Variants in ZRANB2 observed in about 807,000 individuals in gnomAD.
The protein encoded by ZRANB2 is zinc finger RANBP2-type containing 2, also known as zinc finger Ran-binding domain-containing protein 2.
A neutral mutation model predicts 53.4 loss-of-function variants in ZRANB2; 19 were observed. The ratio of observed to expected loss-of-function variants is 0.36; its 90% CI spans 0.25 to 0.52. The LOEUF is 0.52. Among genes scored for constraint, ZRANB2 ranks in the 20% least tolerant of loss-of-function variants. The probability of loss-of-function intolerance (pLI) is 0.93; values close to 1 mark genes in which losing one functional copy is unlikely to be tolerated. For synonymous variants in ZRANB2, 145 were observed against 134.8 expected, an observed-to-expected ratio of 1.08 and a Z score of -0.52; for missense variants, 309 against 401.1, an observed-to-expected ratio of 0.77 and a Z score of 1.96.
At chr1:71,080,839 C>G (rs1661829693) in intron 1 of ZRANB2, 101 bp downstream of exon 1, 1 of 1,418,836 alleles carries the variant, frequency 7.0e-7, no homozygotes, top group African/African-American at 1.4e-5. Flanking sequence ...CTCAACCCGT[C>G]TTAAGGCACA....
intron 8 of ZRANB2, among the ~76,000 whole-genome samples, chr1:71,068,175 T>A (rs1323739993): frequency 1.3e-5 from 2 of 152,160 alleles, no homozygotes; most frequent in African/African-American, 2.4e-5. Context: ...TTGTTATCTA[T>A]TTCTTATTGG....
Position 71,072,108 on chromosome 1 carries a change from G to T in ZRANB2, c.513+13C>A, listed in dbSNP as rs541943177. 28 of 1,601,752 alleles carry T rather than the reference G, an allele frequency of 1.7e-5. No individual in the cohort carries two copies. In the South Asian group the frequency reaches 2.9e-4, roughly 17 times the overall value. ...ATAAGACAAAAGGGAAATAGGACAAGAAAATTGTTCACCTCATCTAACTTA... is the reference window on the plus strand; with the variant it reads ...ATAAGACAAAAGGGAAATAGGACAATAAAATTGTTCACCTCATCTAACTTA... On this transcript the variant is annotated intron_variant, in intron 6 of 9. Coordinates refer to ENST00000370920, the MANE Select transcript of ZRANB2 (RefSeq NM_203350.3).
chr1:71,079,288 GAC>G (rs1272819140), intron 1 of ZRANB2, among the ~76,000 whole-genome samples: 1 of 152,088 alleles, frequency 6.6e-6, no homozygotes, highest in Non-Finnish European at 1.5e-5. Context: ...TGAAAAAAAT[GAC>G]ACAACCACCA....
intron 9 of ZRANB2, 140 bp downstream of exon 9, chr1:71,066,636 G>T: frequency 2.6e-6 from 2 of 784,064 alleles, no homozygotes; most frequent in Non-Finnish European, 2.0e-6. Flanking sequence ...GCAAAGTAAT[G>T]TTTTTTTGAA....
intron 1 of ZRANB2, among the ~76,000 whole-genome samples, chr1:71,080,512 G>C (rs1255050754): frequency 6.6e-6 from 1 of 152,146 alleles, no homozygotes; most frequent in Non-Finnish European, 1.5e-5. Flanking sequence ...AACTATAAGA[G>C]GCAAAAGGAC....
At chr1:71,075,396 G>A (rs1275960720) in intron 4 of ZRANB2, among the ~76,000 whole-genome samples, 1 of 152,138 alleles carries the variant, frequency 6.6e-6, no homozygotes, top group East Asian at 1.9e-4. Context: ...AGAGGGTCAG[G>A]TCCCAGGGGT....
At position 71,064,374 on chromosome 1, in the gene ZRANB2, C is replaced by T. The variant is rs115519906; in HGVS notation, c.*700G>A. The T allele has an allele frequency of 4.0e-3, 607 of 152,328 alleles. 8 individuals carry two copies. Among genetic ancestry groups the T allele is most frequent in the Non-Finnish European group, 4.3e-3 (290 of 67,878 alleles). 9.4% of individuals were successfully genotyped at this position (152,328 alleles called of 1,614,324 possible). ...TTTTGAGATGTCTTTATCAAGCAAC[C>T]GTATCAGCAGAGAAAAGATAAACTC... On this transcript the variant is annotated 3_prime_UTR_variant, in exon 10 of 10. Transcript: ENST00000370920.
intron 6 of ZRANB2, among the ~76,000 whole-genome samples, chr1:71,071,357 CAA>C (rs1050022974): frequency 6.6e-6 from 1 of 152,176 alleles, no homozygotes; most frequent in African/African-American, 2.4e-5. Context: ...CTGGTCTCCT[CAA>C]ATCTGAAGAT....
intron 4 of ZRANB2, 39 bp downstream of exon 4, chr1:71,076,756 T>TA (rs753847774): frequency 4.6e-5 from 68 of 1,474,304 alleles, no homozygotes; most frequent in South Asian, 8.2e-5. Context: ...TTTAGTGCTT[T>TA]AAAAAAAATC....
In ZRANB2 at chr1:71,075,845, G is replaced by C. The variant is rs72671088; in HGVS notation, c.301+950C>G. Among the ~76,000 whole-genome samples the C allele has an allele frequency of 6.9e-3, 1,042 of 151,740 alleles. 16 individuals are homozygous for C. The highest frequency in any genetic ancestry group is 0.024 in the African/African-American group (1,001 of 41,344). On this transcript the variant is annotated intron_variant, in intron 4 of 9. Transcript: ENST00000370920. Reference sequence around the variant, plus strand: ...GAAAGTGGCGGTTGGGCTGGGGAAGGGGGGATCAAGGACATTATGTTATAA... The same window carrying C: ...GAAAGTGGCGGTTGGGCTGGGGAAGCGGGGATCAAGGACATTATGTTATAA...
In ZRANB2 at chr1:71,076,823, T is replaced by A. The variant is rs565993639; in HGVS notation, c.273A>T (p.Pro91=). 6.2e-7 allele frequency: 1 copy of A among 1,611,742 alleles called. No homozygotes were observed. The highest frequency in any genetic ancestry group is 8.5e-7 in the Non-Finnish European group (1 of 1,179,230). ...RRSECNMCNT[P]KYAKLEERTG... is the part of the protein sequence containing the mutation. ...TTCTTTCTTCTAATTTAGCATACTT[T>A]GGAGTATTACACATATTACACTCTG... Residue 91 remains proline, a synonymous_variant, in exon 4 of 10, where the codon CCA becomes CCT. Coordinates refer to ENST00000370920, the MANE Select transcript of ZRANB2 (RefSeq NM_203350.3).
chr1:71,068,690 C>T (rs896007120), intron 8 of ZRANB2, among the ~76,000 whole-genome samples: 6 of 152,020 alleles, frequency 3.9e-5, no homozygotes, highest in Non-Finnish European at 8.8e-5. Context: ...AAACAACTGC[C>T]GTGCAAAACA....
intron 4 of ZRANB2, among the ~76,000 whole-genome samples, chr1:71,073,789 T>C (rs1239098913): frequency 6.6e-6 from 1 of 150,856 alleles, no homozygotes; most frequent in Non-Finnish European, 1.5e-5. Flanking sequence ...AATAAAATTA[T>C]TTTAAGAGGC....
Position 71,072,493 on chromosome 1 carries a change from T to C in ZRANB2, c.357A>G (p.Glu119=). 1 of 1,605,800 alleles carries C rather than the reference T, an allele frequency of 6.2e-7. No individual in the cohort carries two copies. Among genetic ancestry groups the C allele is most frequent in the Non-Finnish European group, 8.5e-7 (1 of 1,173,874 alleles). The change falls in exon 5 of 10, where the codon GAA becomes GAG. Residue 119 remains glutamate (E), a synonymous_variant. Coordinates refer to ENST00000370920, the MANE Select transcript of ZRANB2 (RefSeq NM_203350.3). ...TTACCTCATCATATTCACCATCAGA[T>C]TCTTCTCTTTCTATATATTCAACAT... ...RENVEYIERE[E]SDGEYDEFGR...
At chr1:71,077,602 C>T (rs1033950725) in intron 3 of ZRANB2, among the ~76,000 whole-genome samples, 13 of 152,082 alleles carry the variant, frequency 8.5e-5, no homozygotes, top group African/African-American at 2.9e-4. Flanking sequence ...GCCTGTAATC[C>T]CAGCACTTTG....
chr1:71,072,485 C>T lies in ZRANB2; in HGVS notation c.365G>A (p.Gly122Asp). ...VEYIEREESD[G>D]EYDEFGRKKK... Reference sequence around the variant, plus strand: ...AATATAGCTTACCTCATCATATTCACCATCAGATTCTTCTCTTTCTATATA... The same window carrying T: ...AATATAGCTTACCTCATCATATTCATCATCAGATTCTTCTCTTTCTATATA... The change falls in exon 5 of 10, where the codon GGT becomes GAT. Residue 122 changes from glycine (G) to aspartate (D), a missense_variant. By Grantham distance (94) the Gly-to-Asp change is moderately conservative. Coordinates refer to ENST00000370920, the MANE Select transcript of ZRANB2 (RefSeq NM_203350.3). 6.2e-7 allele frequency: 1 copy of T among 1,605,020 alleles called. No homozygotes were observed. Among genetic ancestry groups the T allele is most frequent in the Non-Finnish European group, 8.5e-7 (1 of 1,173,566 alleles).
chr1:71,075,001 A>T (rs1417246457), intron 4 of ZRANB2, among the ~76,000 whole-genome samples: 2 of 152,204 alleles, frequency 1.3e-5, no homozygotes, highest in Non-Finnish European at 2.9e-5. Context: ...GAAAAGTGAG[A>T]AGTTATCAAA....
chr1:71,072,358 T>C, intron 5 of ZRANB2, 103 bp from the exon 6 acceptor site: 3 of 1,446,900 alleles, frequency 2.1e-6, no homozygotes, highest in Non-Finnish European at 2.8e-6. Context: ...CTGAAAATGA[T>C]CAGTTGCTGA....
chr1:71,067,819 G>A lies in ZRANB2; in HGVS notation c.771-885C>T, dbSNP rs192204768. The A allele has an allele frequency of 3.9e-4, 132 of 342,518 alleles. No homozygotes were observed. In the East Asian group the frequency reaches 0.015, roughly 38 times the overall value. 21.2% of individuals were successfully genotyped at this position (342,518 alleles called of 1,614,324 possible). On this transcript the variant is annotated intron_variant, in intron 8 of 9. Transcript: ENST00000370920. ...ACTTAAGGATTTTTACCTATAAAGC[G>A]CTTAAATATTGTTACTAAATAATGG...
Sources: allele counts gnomAD v4.1 joint callset (sites outside exome capture counted in the v4.1 genomes callset), GRCh38; gene constraint gnomAD v4.1.1; transcripts MANE v1.5; gene names NCBI Gene and HGNC (gene_info 2026-07-23, HGNC 2026-07-21).